Variants in FBXO4 observed in about 807,000 individuals in gnomAD.
The protein encoded by FBXO4 is F-box only protein 4.
FBXO4 carries 36 observed loss-of-function variants against 43.7 expected under a neutral mutation model. That is an observed-to-expected ratio of 0.82 (90% CI 0.63 to 1.09). FBXO4 has a LOEUF of 1.09. Among genes scored for constraint, FBXO4 ranks in the 50% least tolerant of loss-of-function variants. FBXO4 has a pLI of 0.00. For synonymous variants in FBXO4, 180 were observed against 165.6 expected (o/e 1.09, Z -0.67); for missense variants, 435 against 474.1 (o/e 0.92, Z 0.77).
At chr5:42,035,346 C>T in the FBXO4 span, among the ~76,000 whole-genome samples, 4 of 152,102 alleles carry the variant, frequency 2.6e-5, no homozygotes, top group Non-Finnish European at 5.9e-5. Flanking sequence ...CTAGCCAGAA[C>T]TTCCAATAGT....
chr5:41,984,968 GT>G, the FBXO4 span, among the ~76,000 whole-genome samples: 1 of 152,080 alleles, frequency 6.6e-6, no homozygotes, highest in Non-Finnish European at 1.5e-5. Context: ...TCCAAGTTGG[GT>G]TCTCTTCAAT....
the FBXO4 span, among the ~76,000 whole-genome samples, chr5:42,017,055 A>C: frequency 2.6e-5 from 4 of 152,154 alleles, no homozygotes; most frequent in African/African-American, 7.2e-5. Flanking sequence ...TTCAAGAATA[A>C]AAGAAAATGT....
intron 2 of FBXO4, among the ~76,000 whole-genome samples, chr5:41,928,266 T>C (rs1253810559): frequency 2.0e-5 from 3 of 152,138 alleles, no homozygotes; most frequent in African/African-American, 4.8e-5. Context: ...GGAATAGTAA[T>C]AATAGTAACT....
the FBXO4 span, among the ~76,000 whole-genome samples, chr5:42,002,771 C>T: frequency 6.6e-6 from 1 of 152,044 alleles, no homozygotes; most frequent in Admixed American, 6.6e-5. Context: ...CCAATAAGTG[C>T]GTGAGACATA....
the FBXO4 span, among the ~76,000 whole-genome samples, chr5:42,022,047 C>T: frequency 2.9e-4 from 44 of 152,188 alleles, no homozygotes; most frequent in African/African-American, 9.1e-4. Flanking sequence ...ACTTTGGGTA[C>T]GTCATTCTGA....
In FBXO4 at chr5:41,925,281, A is replaced by G. The variant is rs1409058154; in HGVS notation, c.-29A>G. Reference sequence around the variant, plus strand: ...AGGCTGACGCGCTAGCGTGGCTCTAAGACGCGTCACCCACGCTGCGGGCAA... The same window carrying G: ...AGGCTGACGCGCTAGCGTGGCTCTAGGACGCGTCACCCACGCTGCGGGCAA... On this transcript the variant is annotated 5_prime_UTR_variant, in exon 1 of 7. Transcript: ENST00000281623. 7.6e-6 allele frequency: 10 copies of G among 1,316,780 alleles called. No individual in the cohort carries two copies. The Admixed American group carries it at 2.9e-4, about 38-fold the overall frequency. The allele number at this position is 1,316,780 out of a possible 1,614,324, so 81.6% of individuals were successfully genotyped here.
At chr5:41,965,696 G>T in the FBXO4 span, among the ~76,000 whole-genome samples, 1 of 152,186 alleles carries the variant, frequency 6.6e-6, no homozygotes, top group Non-Finnish European at 1.5e-5. Context: ...TGGAGAAATA[G>T]GAGCAATTTT....
the FBXO4 span, among the ~76,000 whole-genome samples, chr5:42,009,375 A>ATGTGTGTGTGTG: frequency 1.4e-5 from 2 of 143,692 alleles, no homozygotes; most frequent in African/African-American, 2.6e-5. Context: ...GTGTGTGTGT[A>ATGTGTGTGTGTG]TGTGTGTGTG....
chr5:42,007,702 G>A, the FBXO4 span, among the ~76,000 whole-genome samples: 2 of 152,056 alleles, frequency 1.3e-5, no homozygotes, highest in Admixed American at 6.6e-5. Context: ...AACTCATTGG[G>A]CATCAATAGT....
chr5:41,934,064 A>T (rs768320778), intron 4 of FBXO4, 43 bp downstream of exon 4: 1 of 1,610,588 alleles, frequency 6.2e-7, no homozygotes, highest in Non-Finnish European at 8.5e-7. Context: ...CATCAGAACT[A>T]AAACATTTCA....
intron 5 of FBXO4, 63 bp downstream of exon 5, chr5:41,934,371 T>C: frequency 6.2e-7 from 1 of 1,603,742 alleles, no homozygotes; most frequent in Non-Finnish European, 8.5e-7. Flanking sequence ...GAAAATACCT[T>C]TTTAGACTTT....
chr5:42,028,438 C>T, the FBXO4 span, among the ~76,000 whole-genome samples: 1 of 151,666 alleles, frequency 6.6e-6, no homozygotes, highest in Non-Finnish European at 1.5e-5. Context: ...GTGTTTCTTA[C>T]AGACAACAGA....
chr5:41,929,435 T>C (rs1427947078), intron 2 of FBXO4, among the ~76,000 whole-genome samples: 1 of 152,196 alleles, frequency 6.6e-6, no homozygotes, highest in Non-Finnish European at 1.5e-5. Context: ...AATTAAAGAT[T>C]AGAAAGTAAG....
intron 3 of FBXO4, chr5:41,930,274 A>G (rs1751644961): frequency 1.2e-5 from 2 of 168,486 alleles, no homozygotes; most frequent in Non-Finnish European, 2.5e-5. Flanking sequence ...AATTCAAAAG[A>G]TTTAAATCAT....
the FBXO4 span, among the ~76,000 whole-genome samples, chr5:41,948,409 A>T: frequency 6.6e-6 from 1 of 152,286 alleles, no homozygotes; most frequent in East Asian, 1.9e-4. Flanking sequence ...TACTGGGATT[A>T]CAGGTGTGAC....
At chr5:41,943,526 T>G (rs533969106), downstream of FBXO4, among the ~76,000 whole-genome samples, 5 of 152,300 alleles carry the variant, frequency 3.3e-5, no homozygotes, top group South Asian at 8.3e-4. Flanking sequence ...TGGGAAGGCC[T>G]CAACTTCAGT....
the FBXO4 span, among the ~76,000 whole-genome samples, chr5:41,985,275 T>G: frequency 6.6e-6 from 1 of 152,190 alleles, no homozygotes; most frequent in Non-Finnish European, 1.5e-5. Context: ...ATCTCTTTAT[T>G]AACTTATTCA....
the FBXO4 span, among the ~76,000 whole-genome samples, chr5:42,015,718 T>C: frequency 2.7e-5 from 4 of 147,072 alleles, no homozygotes; most frequent in Non-Finnish European, 1.5e-5. Flanking sequence ...TTGCCAGGAT[T>C]GAAAAAAAAA....
chr5:41,981,732 T>A, the FBXO4 span, among the ~76,000 whole-genome samples: 4 of 151,566 alleles, frequency 2.6e-5, no homozygotes, highest in African/African-American at 4.8e-5. Flanking sequence ...TTTGGTTTTT[T>A]TTTTTTGCTT....
Sources: gnomAD v4.1 joint callset for allele counts (sites outside exome capture counted in the v4.1 genomes callset) on GRCh38, gnomAD v4.1.1 for gene constraint, MANE v1.5 for transcripts, NCBI Gene and HGNC (gene_info 2026-07-23, HGNC 2026-07-21) for gene names.